The following CUL1 variants were observed in gnomAD, a reference collection of about 807,000 sequenced individuals.
CUL1 encodes cullin-1.
Under a neutral mutation model 118.0 loss-of-function variants are expected in CUL1, and 24 were observed. The ratio of observed to expected loss-of-function variants is 0.20; its 90% confidence interval spans 0.15 to 0.29. The LOEUF is 0.29. Among genes scored for constraint, CUL1 ranks in the 10% least tolerant of loss-of-function variants. The pLI is 1.00. For missense variants in CUL1, 361 were observed against 933.8 expected (o/e 0.39, Z 7.99); for synonymous variants, 332 against 340.4 (o/e 0.98, Z 0.27).
chr7:148,794,692 C>T (rs1801126402), intron 17 of CUL1, among the ~76,000 whole-genome samples: 1 of 152,158 alleles, frequency 6.6e-6, no homozygotes, highest in Non-Finnish European at 1.5e-5. Context: ...GTCTCCCACT[C>T]CATGAACATG....
At position 148,730,176 on chromosome 7, in the gene CUL1, C is replaced by T; in HGVS notation, c.54C>T (p.Asp18=). 2 of 1,614,142 alleles carry T rather than the reference C, an allele frequency of 1.2e-6. No individual in the cohort carries two copies. Among genetic ancestry groups the T allele is most frequent in the South Asian group, 2.2e-5 (2 of 91,074 alleles). The part of the protein sequence containing the change: ...NPHGLKQIGL[D]QIWDDLRAGI... ...ACGGCCTGAAGCAGATTGGCCTGGA[C>T]CAGATCTGGGACGACCTCAGAGCCG... The change falls in exon 2 of 22, where the codon GAC becomes GAT. Residue 18 remains aspartate, a synonymous_variant. Transcript: ENST00000325222.
chr7:148,727,837 A>G (rs1289518540), intron 1 of CUL1, among the ~76,000 whole-genome samples: 3 of 152,030 alleles, frequency 2.0e-5, no homozygotes, highest in African/African-American at 4.8e-5. Context: ...TGAGAGGCAA[A>G]TGAAGAGAGA....
chr7:148,705,510 C>G (rs1797852503), intron 1 of CUL1, among the ~76,000 whole-genome samples: 1 of 152,144 alleles, frequency 6.6e-6, no homozygotes, highest in Admixed American at 6.5e-5. Context: ...AACGTGTCAC[C>G]TAATGCTGGG....
At chr7:148,781,523 G>C (rs1363207403) in intron 9 of CUL1, among the ~76,000 whole-genome samples, 1 of 152,224 alleles carries the variant, frequency 6.6e-6, no homozygotes. Flanking sequence ...TTCCATGTGA[G>C]AAGTTGTTCC....
chr7:148,760,379 G>A lies in CUL1; in HGVS notation c.672G>A (p.Thr224=), dbSNP rs895000208. ...ATGATGCATTTGCAAAGGGCCCTAC[G>A]TTAACAGTGTATAAAGAATCCTTTG... The part of the protein sequence containing the change: ...NEDDAFAKGP[T]LTVYKESFES... The change falls in exon 7 of 22, where the codon ACG becomes ACA. Residue 224 remains threonine (T), a synonymous_variant. Transcript: ENST00000325222. 5 of 1,612,974 alleles carry A rather than the reference G, an allele frequency of 3.1e-6. No individual in the cohort carries two copies. Among genetic ancestry groups the A allele is most frequent in the Non-Finnish European group, 2.5e-6 (3 of 1,179,594 alleles).
intron 1 of CUL1, among the ~76,000 whole-genome samples, chr7:148,715,766 A>T (rs920822690): frequency 2.0e-4 from 30 of 152,102 alleles, no homozygotes; most frequent in African/African-American, 6.5e-4. Context: ...GCCAACCTTT[A>T]AAAAAAACAC....
chr7:148,777,655 C>T (rs990904737), intron 9 of CUL1, among the ~76,000 whole-genome samples: 13 of 152,256 alleles, frequency 8.5e-5, no homozygotes, highest in Admixed American at 5.2e-4. Context: ...TCCAATCCTA[C>T]GTGCCCCTGA....
chr7:148,725,901 T>G (rs1049881167), intron 1 of CUL1, among the ~76,000 whole-genome samples: 1 of 152,194 alleles, frequency 6.6e-6, no homozygotes, highest in Non-Finnish European at 1.5e-5. Flanking sequence ...AGATCATCTG[T>G]GCATGAATTT....
intron 1 of CUL1, among the ~76,000 whole-genome samples, chr7:148,719,315 A>T (rs1404064812): frequency 2.0e-5 from 3 of 150,322 alleles, no homozygotes; most frequent in South Asian, 2.1e-4. Context: ...CGTCAAAAAA[A>T]AAAAATAAAA....
At chr7:148,733,844 G>A (rs2129459708) in intron 2 of CUL1, among the ~76,000 whole-genome samples, 1 of 152,310 alleles carries the variant, frequency 6.6e-6, no homozygotes, top group Non-Finnish European at 1.5e-5. Flanking sequence ...TATCCTGGAG[G>A]AGAAAATTGT....
intron 1 of CUL1, among the ~76,000 whole-genome samples, chr7:148,713,189 A>G (rs1195676701): frequency 1.3e-5 from 2 of 152,234 alleles, no homozygotes; most frequent in Non-Finnish European, 2.9e-5. Context: ...GAAACAAAAT[A>G]CACGCAAGTA....
upstream of CUL1, chr7:148,697,924 A>G (rs1797575488): frequency 6.6e-6 from 1 of 152,258 alleles, no homozygotes; most frequent in Non-Finnish European, 1.5e-5. Context: ...ACTATTTTAT[A>G]TCACGACTCA....
chr7:148,758,445 C>T (rs1372300750), intron 4 of CUL1, among the ~76,000 whole-genome samples: 1 of 152,028 alleles, frequency 6.6e-6, no homozygotes, highest in African/African-American at 2.4e-5. Flanking sequence ...CCAGCCTGGG[C>T]AGCATAATGA....
intron 1 of CUL1, among the ~76,000 whole-genome samples, chr7:148,717,953 C>G (rs574179970): frequency 6.6e-6 from 1 of 152,332 alleles, no homozygotes; most frequent in South Asian, 2.1e-4. Context: ...AAAACTTTGA[C>G]ATTCGTGTTT....
Position 148,800,394 on chromosome 7 carries a change from C to A in CUL1, c.2251-108C>A. 2.4e-6 allele frequency: 2 copies of A among 845,728 alleles called. No individual in the cohort carries two copies. Among genetic ancestry groups the A allele is most frequent in the Non-Finnish European group, 3.9e-6 (2 of 515,120 alleles). The allele number at this position is 845,728 out of a possible 1,614,324, so 52.4% of individuals were successfully genotyped here. ...GGCGGGGACACTGCTCCCCACTGAG[C>A]TCCGAATCAGGGGAGATTTGTGGTG... is the stretch of plus-strand genomic sequence containing the variant. On this transcript the variant is annotated intron_variant, in intron 21 of 21. Coordinates refer to ENST00000325222, the MANE Select transcript of CUL1 (RefSeq NM_003592.3). This position sits in a 1 kb window ranked among gnomAD's most constrained non-coding sequence, Gnocchi z 4.6.
In CUL1 at chr7:148,789,845, G is replaced by C; in HGVS notation, c.1674+19G>C. 1 of 1,609,842 alleles carries C rather than the reference G, an allele frequency of 6.2e-7. No homozygotes were observed. The highest frequency in any genetic ancestry group is 8.5e-7 in the Non-Finnish European group (1 of 1,176,156). Reference sequence around the variant, plus strand: ...GTCAGAGGTAAGGATGGGTTTGTCTGCCATCCCATTAGTGCTAAGTGGAGG... The same window carrying C: ...GTCAGAGGTAAGGATGGGTTTGTCTCCCATCCCATTAGTGCTAAGTGGAGG... On this transcript the variant is annotated intron_variant, in intron 15 of 21. Coordinates refer to ENST00000325222, the MANE Select transcript of CUL1 (RefSeq NM_003592.3).
At position 148,789,838 on chromosome 7, in the gene CUL1, T is replaced by C; in HGVS notation, c.1674+12T>C. The C allele has an allele frequency of 6.2e-7, 1 of 1,612,276 alleles. No individual in the cohort carries two copies. Among genetic ancestry groups the C allele is most frequent in the Non-Finnish European group, 8.5e-7 (1 of 1,178,362 alleles). ...CCTTGCCGTCAGAGGTAAGGATGGG[T>C]TTGTCTGCCATCCCATTAGTGCTAA... On this transcript the variant is annotated intron_variant, in intron 15 of 21. Transcript: ENST00000325222.
intron 1 of CUL1, among the ~76,000 whole-genome samples, chr7:148,699,782 C>T (rs1200049406): frequency 6.6e-6 from 1 of 152,012 alleles, no homozygotes; most frequent in Non-Finnish European, 1.5e-5. Flanking sequence ...GCTCGCTAGT[C>T]GGGCCGGGCC....
At chr7:148,779,502 C>A (rs1800537715) in intron 9 of CUL1, among the ~76,000 whole-genome samples, 1 of 152,180 alleles carries the variant, frequency 6.6e-6, no homozygotes, top group Non-Finnish European at 1.5e-5. Flanking sequence ...GGATCCCAGA[C>A]ACAACAAAGC....
Sources: allele counts gnomAD v4.1 joint callset (sites outside exome capture counted in the v4.1 genomes callset), GRCh38; gene constraint gnomAD v4.1.1; non-coding constraint Gnocchi (gnomAD v3.1); transcripts MANE v1.5; gene names NCBI Gene and HGNC (gene_info 2026-07-23, HGNC 2026-07-21).